PCDHA4: variants seen among roughly 807,000 people sequenced by gnomAD.
The protein encoded by PCDHA4 is protocadherin alpha 4, also known as protocadherin alpha-4.
A neutral mutation model predicts 61.4 loss-of-function variants in PCDHA4; 49 were observed. The ratio of observed to expected loss-of-function variants is 0.80; its 90% confidence interval spans 0.63 to 1.01. PCDHA4 has a LOEUF of 1.01. Among genes scored for constraint, PCDHA4 ranks in the 50% least tolerant of loss-of-function variants. The probability of loss-of-function intolerance (pLI) is 0.00; values close to 1 mark genes in which losing one functional copy is unlikely to be tolerated. For synonymous variants in PCDHA4, 590 were observed against 550.3 expected (o/e 1.07, Z -1.01); for missense variants, 1,254 against 1,235.8 (o/e 1.01, Z -0.22).
At chr5:140,920,930 T>C (rs1286502333) in intron 1 of PCDHA4, among the ~76,000 whole-genome samples, 1 of 151,962 alleles carries the variant, frequency 6.6e-6, no homozygotes, top group Non-Finnish European at 1.5e-5. Flanking sequence ...GTAGGTGATC[T>C]AGCCCTTTCA....
chr5:140,870,329 A>G, intron 1 of PCDHA4: 1 of 1,614,160 alleles, frequency 6.2e-7, no homozygotes, highest in Non-Finnish European at 8.5e-7. Context: ...TTGGTGCTGG[A>G]CAGCGCCCTG....
At chr5:140,838,888 C>G (rs2150293453) in intron 1 of PCDHA4, among the ~76,000 whole-genome samples, 1 of 151,810 alleles carries the variant, frequency 6.6e-6, no homozygotes, top group East Asian at 1.9e-4. Flanking sequence ...GAACTCCAGC[C>G]TAGGTGACAG....
chr5:140,936,134 C>A (rs782197390), intron 1 of PCDHA4, among the ~76,000 whole-genome samples: 1 of 152,176 alleles, frequency 6.6e-6, no homozygotes, highest in Non-Finnish European at 1.5e-5. Context: ...CTTAAGTGAT[C>A]TGCCCGCCTT....
At chr5:140,926,804 C>T (rs1298226109) in intron 1 of PCDHA4, 4 of 1,455,652 alleles carry the variant, frequency 2.7e-6, no homozygotes, top group East Asian at 2.5e-5. Context: ...TGCTCTTCCC[C>T]GCGGCTCGTG....
chr5:140,902,572 G>A (rs1249141591), intron 1 of PCDHA4, among the ~76,000 whole-genome samples: 1 of 151,954 alleles, frequency 6.6e-6, no homozygotes, highest in Non-Finnish European at 1.5e-5. Flanking sequence ...GGGTTTTTAA[G>A]ATTTCAATAG....
chr5:140,829,742 C>G, intron 1 of PCDHA4: 1 of 1,613,678 alleles, frequency 6.2e-7, no homozygotes, highest in Non-Finnish European at 8.5e-7. Context: ...CAACGTGACG[C>G]TGCAGGTGTT....
At chr5:140,878,552 C>A (rs1035509057) in intron 1 of PCDHA4, among the ~76,000 whole-genome samples, 1 of 152,130 alleles carries the variant, frequency 6.6e-6, no homozygotes, top group Non-Finnish European at 1.5e-5. Flanking sequence ...TTCAGATGAT[C>A]CCAAACTTAT....
intron 1 of PCDHA4, chr5:140,875,344 A>G: frequency 1.4e-6 from 2 of 1,442,996 alleles, no homozygotes; most frequent in East Asian, 2.5e-5. Context: ...TCGACTCCAT[A>G]ATGACTGTGA....
intron 1 of PCDHA4, among the ~76,000 whole-genome samples, chr5:140,902,277 A>G (rs1257357376): frequency 1.3e-5 from 2 of 149,170 alleles, no homozygotes; most frequent in African/African-American, 5.0e-5. Flanking sequence ...GGCTCAAGCA[A>G]TCCTCCTGCC....
At chr5:140,985,373 C>T (rs1228293287) in intron 3 of PCDHA4, among the ~76,000 whole-genome samples, 1 of 152,106 alleles carries the variant, frequency 6.6e-6, no homozygotes, top group Non-Finnish European at 1.5e-5. Flanking sequence ...TTATCTGGGT[C>T]TATATAATCC....
chr5:140,941,214 C>CCTTCCTTTCTTTCTTT (rs1554214040), intron 1 of PCDHA4, among the ~76,000 whole-genome samples: 12 of 122,414 alleles, frequency 9.8e-5, no homozygotes, highest in Admixed American at 6.8e-4. Flanking sequence ...TTTCTTTCTT[C>CCTTCCTTTCTTTCTTT]CTTTCTTTCT....
chr5:140,902,316 G>C (rs2069370797), intron 1 of PCDHA4, among the ~76,000 whole-genome samples: 1 of 151,402 alleles, frequency 6.6e-6, no homozygotes, highest in Non-Finnish European at 1.5e-5. Context: ...GGGATTACAG[G>C]TGTAACTCAC....
At chr5:140,966,973 G>A (rs782189736) in intron 1 of PCDHA4, 9 of 1,602,936 alleles carry the variant, frequency 5.6e-6, no homozygotes, top group African/African-American at 4.0e-5. Flanking sequence ...GGCTTGAGCT[G>A]CGGCGCTTGG....
At chr5:140,900,139 G>A (rs985320509) in intron 1 of PCDHA4, among the ~76,000 whole-genome samples, 2 of 152,156 alleles carry the variant, frequency 1.3e-5, no homozygotes, top group East Asian at 3.9e-4. Context: ...CCACAAATAA[G>A]TAAGAACATA....
In PCDHA4 at chr5:140,915,626, GTCTCTCTC is replaced by G. The variant is rs57920489; in HGVS notation, c.2386-63300_2386-63293del. ...ACTTTCTGTCAAACAGTCTCTTTCT[GTCTCTCTC>G]TCTCTCTCTCTCTCTCTCTCTCAAG... is the stretch of plus-strand genomic sequence containing the variant. On this transcript the variant is annotated intron_variant, in intron 1 of 3. Transcript: ENST00000530339. Among the ~76,000 whole-genome samples, 662 of 146,534 alleles carry G rather than the reference GTCTCTCTC, an allele frequency of 4.5e-3. 3 individuals are homozygous for G. The highest frequency in any genetic ancestry group is 0.016 in the African/African-American group (641 of 39,750).
At chr5:140,863,105 A>C (rs1554157760) in intron 1 of PCDHA4, 1 of 581,650 alleles carries the variant, frequency 1.7e-6, no homozygotes, top group Non-Finnish European at 3.4e-6. Flanking sequence ...AGTACCCTGG[A>C]CGAGGCGAAA....
rs1554124228 is a variant in PCDHA4, at chr5:140,807,729, A to C, written c.542A>C (p.Glu181Ala). The part of the protein sequence containing the change: ...RLSPNEYFSL[E>A]KPPDDELVKG... ...AGCCCAAATGAATACTTTTCTCTGG[A>C]AAAACCACCTGATGACGAGCTGGTA... Residue 181 changes from glutamate (E) to alanine (A), a missense_variant, in exon 1 of 4, where the codon GAA becomes GCA. By Grantham distance (107) the Glu-to-Ala change is moderately radical. Transcript: ENST00000530339. 4.3e-6 allele frequency: 7 copies of C among 1,614,208 alleles called. No homozygotes were observed. The highest frequency in any genetic ancestry group is 5.9e-6 in the Non-Finnish European group (7 of 1,180,032).
intron 1 of PCDHA4, among the ~76,000 whole-genome samples, chr5:140,837,516 C>CG (rs149634951): frequency 0.56 from 85,489 of 151,592 alleles, 24,966 homozygotes; most frequent in African/African-American, 0.67. Flanking sequence ...AAGCAGTTTA[C>CG]TTTTTTTGTA....
chr5:140,928,903 T>C, intron 1 of PCDHA4: 1 of 1,614,190 alleles, frequency 6.2e-7, no homozygotes, highest in Non-Finnish European at 8.5e-7. Flanking sequence ...TGAAGATGTC[T>C]GGGAACCAGG....
Sources: gnomAD v4.1 joint callset for allele counts (sites outside exome capture counted in the v4.1 genomes callset) on GRCh38, gnomAD v4.1.1 for gene constraint, MANE v1.5 for transcripts, NCBI Gene and HGNC (gene_info 2026-07-23, HGNC 2026-07-21) for gene names.